PIR: variants seen among roughly 807,000 people sequenced by gnomAD.
PIR encodes the protein pirin.
In PIR, 22 loss-of-function variants were observed where a neutral mutation model predicts 24.2. That is an observed-to-expected ratio of 0.91 (90% CI 0.65 to 1.30). The LOEUF is 1.30. Among genes scored for constraint, PIR ranks in the 50% most tolerant of loss-of-function variants. PIR has a pLI of 0.00. For missense variants in PIR, 220 were observed against 220.3 expected (o/e 1.00, Z 0.01); for synonymous variants, 80 against 79.6 (o/e 1.00, Z -0.03).
rs185925137 is a variant in PIR, at chrX:15,439,461, T to C, written c.481-13471A>G. Reference sequence around the variant, plus strand: ...GTTTACTATGAAATTTGAAGTTACATGTTGCTTCCATTATATTTTTATTAG... The same window carrying C: ...GTTTACTATGAAATTTGAAGTTACACGTTGCTTCCATTATATTTTTATTAG... On this transcript the variant is annotated intron_variant, in intron 5 of 9. Transcript: ENST00000380420. Among the ~76,000 whole-genome samples, 470 of 112,489 alleles carry C rather than the reference T, an allele frequency of 4.2e-3. 2 individuals carry two copies. Among genetic ancestry groups the C allele is most frequent in the African/African-American group, 0.015 (455 of 31,009 alleles).
At chrX:15,461,731 C>T (rs1312188696) in intron 3 of PIR, among the ~76,000 whole-genome samples, 12 of 111,418 alleles carry the variant, frequency 1.1e-4, no homozygotes, top group Non-Finnish European at 1.5e-4. Context: ...TGCAGTGAGC[C>T]GAGATCGCAC....
chrX:15,454,868 T>C (rs967350188), intron 5 of PIR, among the ~76,000 whole-genome samples: 4 of 111,795 alleles, frequency 3.6e-5, no homozygotes, highest in African/African-American at 1.3e-4. Context: ...CCAATGACCA[T>C]TGGGTAAGGG....
In PIR at chrX:15,445,240, AT is replaced by A. The variant is rs774173472; in HGVS notation, c.480+10607del. 3.6e-5 allele frequency among the ~76,000 whole-genome samples: 4 copies of A among 111,681 alleles called. No homozygotes were observed. In the East Asian group the frequency reaches 1.1e-3, roughly 31 times the overall value. ...CTTCCTTTAAAAAAGAGGCATTTAAATTTCTCTAATTGCTATTTATAGTTGA... is the reference window on the plus strand; with the variant it reads ...CTTCCTTTAAAAAAGAGGCATTTAAATTCTCTAATTGCTATTTATAGTTGA... On this transcript the variant is annotated intron_variant, in intron 5 of 9. Coordinates refer to ENST00000380420, the MANE Select transcript of PIR (RefSeq NM_001018109.3).
At chrX:15,452,760 A>C (rs187223382) in intron 5 of PIR, among the ~76,000 whole-genome samples, 297 of 112,235 alleles carry the variant, frequency 2.6e-3, no homozygotes, top group African/African-American at 8.6e-3. Flanking sequence ...CCTGTTAGAA[A>C]TGTAGACTCT....
At chrX:15,436,673 A>C (rs973109124) in intron 5 of PIR, among the ~76,000 whole-genome samples, 10 of 112,273 alleles carry the variant, frequency 8.9e-5, no homozygotes, top group African/African-American at 3.2e-4. Context: ...CAATGCTAGA[A>C]TATTCCTCAC....
chrX:15,438,470 A>G (rs557261449), intron 5 of PIR, among the ~76,000 whole-genome samples: 2 of 112,559 alleles, frequency 1.8e-5, no homozygotes, highest in East Asian at 5.6e-4. Flanking sequence ...CAGACCCTGG[A>G]GCCAGACCAT....
intron 5 of PIR, among the ~76,000 whole-genome samples, chrX:15,435,568 G>A (rs1925725816): frequency 8.9e-6 from 1 of 111,955 alleles, no homozygotes; most frequent in South Asian, 3.7e-4. Flanking sequence ...ACTCCATGAG[G>A]AGCTCATGTC....
intron 7 of PIR, among the ~76,000 whole-genome samples, chrX:15,399,063 G>C (rs757706539): frequency 9.0e-6 from 1 of 111,238 alleles, no homozygotes; most frequent in Non-Finnish European, 1.9e-5. Flanking sequence ...CTGTAGAGAG[G>C]GGGTGAGATT....
intron 6 of PIR, among the ~76,000 whole-genome samples, chrX:15,420,543 A>C (rs1301214124): frequency 3.6e-5 from 4 of 112,157 alleles, no homozygotes; most frequent in Admixed American, 1.9e-4. Context: ...ATAAATTTCC[A>C]CATGGGAAGG....
intron 6 of PIR, among the ~76,000 whole-genome samples, chrX:15,421,681 C>A (rs762857915): frequency 9.3e-6 from 1 of 108,108 alleles, no homozygotes; most frequent in Non-Finnish European, 1.9e-5. Context: ...AGCCCAAGAT[C>A]TGATGGCCTC....
chrX:15,401,845 A>G (rs1427254185), intron 7 of PIR, among the ~76,000 whole-genome samples: 2 of 111,437 alleles, frequency 1.8e-5, no homozygotes, highest in Non-Finnish European at 3.8e-5. Context: ...CTTTTTTTCT[A>G]TTTATAAGAA....
chrX:15,410,742 C>T (rs964011974), intron 6 of PIR, among the ~76,000 whole-genome samples: 5 of 112,328 alleles, frequency 4.5e-5, no homozygotes, highest in Non-Finnish European at 9.4e-5. Flanking sequence ...TAGTGTCCAT[C>T]TTTGCCAGTA....
Position 15,390,153 on chromosome X carries a change from A to G in PIR, c.760+32T>C, listed in dbSNP as rs779029898. ...ACTGTTTTCAAAGAAAAGGAAAATCAACCAAGAAAATCATTGTCATTTTGG... is the reference window on the plus strand; with the variant it reads ...ACTGTTTTCAAAGAAAAGGAAAATCGACCAAGAAAATCATTGTCATTTTGG... On this transcript the variant is annotated intron_variant, in intron 9 of 9. Coordinates refer to ENST00000380420, the MANE Select transcript of PIR (RefSeq NM_001018109.3). 1.4e-5 allele frequency: 13 copies of G among 899,552 alleles called. No homozygotes were observed. In the East Asian group the frequency reaches 4.3e-4, roughly 29 times the overall value. 74.1% of individuals were successfully genotyped at this position (899,552 alleles called of 1,213,427 possible).
At chrX:15,474,711 C>T (rs1476686407) in intron 3 of PIR, among the ~76,000 whole-genome samples, 1 of 111,698 alleles carries the variant, frequency 9.0e-6, no homozygotes, top group Non-Finnish European at 1.9e-5. Flanking sequence ...CAGGACAAAT[C>T]CTGAGCCTTC....
At chrX:15,404,003 T>C (rs1486792032) in intron 7 of PIR, among the ~76,000 whole-genome samples, 1 of 108,332 alleles carries the variant, frequency 9.2e-6, no homozygotes, top group Non-Finnish European at 1.9e-5. Context: ...CTTTTTTTTT[T>C]TTTTTTCTTT....
At chrX:15,423,073 T>C (rs1925189736) in intron 6 of PIR, among the ~76,000 whole-genome samples, 1 of 112,010 alleles carries the variant, frequency 8.9e-6, no homozygotes, top group Admixed American at 9.5e-5. Context: ...TGGATATTCA[T>C]ATGCTGAAGA....
intron 8 of PIR, among the ~76,000 whole-genome samples, chrX:15,392,541 G>A (rs948045560): frequency 9.0e-6 from 1 of 111,529 alleles, no homozygotes; most frequent in Non-Finnish European, 1.9e-5. Flanking sequence ...AATCTTCCAT[G>A]TATTTAATAA....
At chrX:15,481,919 G>A (rs1922524174) in intron 2 of PIR, among the ~76,000 whole-genome samples, 2 of 111,514 alleles carry the variant, frequency 1.8e-5, no homozygotes, top group Admixed American at 1.9e-4. Flanking sequence ...TCTCACTCTG[G>A]GATTCAAGCT....
At chrX:15,447,335 T>TCTCA (rs1235712085) in intron 5 of PIR, among the ~76,000 whole-genome samples, 1 of 109,037 alleles carries the variant, frequency 9.2e-6, no homozygotes, top group Non-Finnish European at 1.9e-5. Context: ...TGAGATGGAG[T>TCTCA]CTCACTCTGT....
Sources: allele counts gnomAD v4.1 joint callset (sites outside exome capture counted in the v4.1 genomes callset), GRCh38; gene constraint gnomAD v4.1.1; transcripts MANE v1.5; gene names NCBI Gene and HGNC (gene_info 2026-07-23, HGNC 2026-07-21).